CSNK1G1: variants seen among roughly 807,000 people sequenced by gnomAD.
CSNK1G1 encodes casein kinase I isoform gamma-1.
Under a neutral mutation model 59.6 loss-of-function variants are expected in CSNK1G1, and 22 were observed. That is an observed-to-expected ratio of 0.37 (90% confidence interval 0.26 to 0.53). The LOEUF is 0.53. CSNK1G1 is among the 20% of genes least tolerant of loss of function. The probability of loss-of-function intolerance (pLI) is 0.89; values close to 1 mark genes in which losing one functional copy is unlikely to be tolerated. For missense variants in CSNK1G1, 384 were observed against 519.5 expected, an observed-to-expected ratio of 0.74 and a Z score of 2.54; for synonymous variants, 179 against 177.1, an observed-to-expected ratio of 1.01 and a Z score of -0.08.
intron 1 of CSNK1G1, among the ~76,000 whole-genome samples, chr15:64,326,025 C>G (rs776802989): frequency 2.6e-5 from 4 of 152,128 alleles, no homozygotes; most frequent in Non-Finnish European, 5.9e-5. Flanking sequence ...CCATGAACTA[C>G]AAAAAGAAAT....
At position 64,200,478 on chromosome 15, in the gene CSNK1G1, C is replaced by T. The variant is rs543798771; in HGVS notation, c.1107+2604G>A. 2.6e-5 allele frequency among the ~76,000 whole-genome samples: 4 copies of T among 151,996 alleles called. No individual in the cohort carries two copies. The East Asian group carries it at 7.8e-4, about 30-fold the overall frequency. On this transcript the variant is annotated intron_variant, in intron 10 of 11. Transcript: ENST00000303052. The surrounding 1 kb of genome is among the most constrained non-coding windows in gnomAD (Gnocchi z 4.3). ...CTCCTGCCTCAGCCTCCTGAGTAGC[C>T]GGGATTTGAGGCATGTGCCACCACA...
rs1231895233 is a variant in CSNK1G1, at chr15:64,210,086, G to GA, written c.680-2493dup. ...AGAACTATAGAATATGGGACAATAG[G>GA]AAAAATAAGGGTTCCTAAATCAGGA... On this transcript the variant is annotated intron_variant, in intron 6 of 11. Transcript: ENST00000303052. The surrounding 1 kb of genome is among the most constrained non-coding windows in gnomAD (Gnocchi z 4.2). Among the ~76,000 whole-genome samples the GA allele has an allele frequency of 6.6e-6, 1 of 152,012 alleles. No individual in the cohort carries two copies. The highest frequency in any genetic ancestry group is 1.5e-5 in the Non-Finnish European group (1 of 67,986).
rs77882333 is a variant in CSNK1G1, at chr15:64,291,078, G to A, written c.181+9241C>T. Among the ~76,000 whole-genome samples the A allele has an allele frequency of 6.2e-3, 942 of 152,218 alleles. 6 individuals are homozygous for A. Among genetic ancestry groups the A allele is most frequent in the African/African-American group, 0.022 (902 of 41,550 alleles). ...TGACTTCTAAAACTTGTTTTAGTTT[G>A]TTCCATCCACAGAACCTAAAAATTT... is the stretch of plus-strand genomic sequence containing the variant. On this transcript the variant is annotated intron_variant, in intron 2 of 11. Coordinates refer to ENST00000303052, the MANE Select transcript of CSNK1G1 (RefSeq NM_022048.5).
chr15:64,191,795 G>A (rs1339731970), intron 10 of CSNK1G1, among the ~76,000 whole-genome samples: 1 of 152,162 alleles, frequency 6.6e-6, no homozygotes, highest in Admixed American at 6.5e-5. Context: ...TTCTGTATCT[G>A]TTGAAAACAT....
intron 10 of CSNK1G1, among the ~76,000 whole-genome samples, chr15:64,196,333 T>A (rs1030804521): frequency 6.6e-6 from 1 of 152,030 alleles, no homozygotes; most frequent in Non-Finnish European, 1.5e-5. Context: ...TGTATATAGA[T>A]AAACCAAACA....
intron 4 of CSNK1G1, among the ~76,000 whole-genome samples, chr15:64,248,133 A>G (rs1346088405): frequency 2.0e-5 from 3 of 152,222 alleles, no homozygotes; most frequent in African/African-American, 7.2e-5. Flanking sequence ...GGTAATCAAA[A>G]GAGTGGCATA....
intron 6 of CSNK1G1, 141 bp from the exon 7 acceptor site, chr15:64,207,735 G>GTATTT (rs1405049008): frequency 1.1e-5 from 7 of 628,726 alleles, no homozygotes; most frequent in Admixed American, 5.1e-5. Context: ...ACCAAGGATA[G>GTATTT]TATTTTAGAT....
At chr15:64,294,149 T>C (rs532100413) in intron 2 of CSNK1G1, among the ~76,000 whole-genome samples, 2 of 152,324 alleles carry the variant, frequency 1.3e-5, no homozygotes, top group East Asian at 3.9e-4. Flanking sequence ...CTCAGCTCAC[T>C]GCAACCTCCA....
chr15:64,230,015 G>A (rs1336522092), intron 4 of CSNK1G1, among the ~76,000 whole-genome samples: 1 of 135,220 alleles, frequency 7.4e-6, no homozygotes, highest in Non-Finnish European at 1.5e-5. Context: ...TCCACCTCCC[G>A]GGTTCAAGGG....
chr15:64,295,250 T>C (rs1384731756), intron 2 of CSNK1G1, among the ~76,000 whole-genome samples: 4 of 152,190 alleles, frequency 2.6e-5, no homozygotes, highest in Admixed American at 6.5e-5. Flanking sequence ...TGTTCCATTA[T>C]TGGAACGCTA....
Position 64,168,288 on chromosome 15 carries a change from G to A in CSNK1G1, c.*3643C>T, listed in dbSNP as rs1269004399. On this transcript the variant is annotated 3_prime_UTR_variant, in exon 12 of 12. Transcript: ENST00000303052. Reference sequence around the variant, plus strand: ...TAATAGCAGAAGAATGTTAATTAAGGCAGTCATGAGTGCACACTGGCTGTC... The same window carrying A: ...TAATAGCAGAAGAATGTTAATTAAGACAGTCATGAGTGCACACTGGCTGTC... The A allele has an allele frequency of 6.6e-6, 1 of 152,602 alleles. No homozygotes were observed. The highest frequency in any genetic ancestry group is 2.4e-5 in the African/African-American group (1 of 41,440). The allele number at this position is 152,602 out of a possible 1,614,324, so 9.5% of individuals were successfully genotyped here.
intron 2 of CSNK1G1, among the ~76,000 whole-genome samples, chr15:64,286,644 G>A (rs1894439302): frequency 6.6e-6 from 1 of 151,820 alleles, no homozygotes; most frequent in Non-Finnish European, 1.5e-5. Context: ...GTACCCCCAG[G>A]GCCTAGCTAA....
At position 64,170,880 on chromosome 15, in the gene CSNK1G1, T is replaced by C. The variant is rs1311546321; in HGVS notation, c.*1051A>G. On this transcript the variant is annotated 3_prime_UTR_variant, in exon 12 of 12. Transcript: ENST00000303052. ...AGAGCTAGGTTTTCAAACTGTAAGC[T>C]GATTAGGTCAAGATGCTCTGGTAGG... 1.3e-5 allele frequency: 2 copies of C among 152,598 alleles called. No homozygotes were observed. Among genetic ancestry groups the C allele is most frequent in the Admixed American group, 6.5e-5 (1 of 15,272 alleles). 9.5% of individuals were successfully genotyped at this position (152,598 alleles called of 1,614,324 possible). A position where few individuals can be genotyped will look rare whatever the true frequency, so the allele number is the denominator to read the frequency against.
intron 11 of CSNK1G1, chr15:64,179,951 C>T (rs2081790071): frequency 5.9e-6 from 1 of 169,482 alleles, no homozygotes; most frequent in South Asian, 1.5e-4. Flanking sequence ...CATGATTGTA[C>T]ATCCAGTTGC....
At chr15:64,198,439 C>A (rs1209061875) in intron 10 of CSNK1G1, among the ~76,000 whole-genome samples, 3 of 151,848 alleles carry the variant, frequency 2.0e-5, no homozygotes, top group Non-Finnish European at 4.4e-5. Flanking sequence ...CTCCTGGCCT[C>A]AAGTTATCCA....
At chr15:64,282,614 CTA>C (rs539007023) in intron 2 of CSNK1G1, among the ~76,000 whole-genome samples, 20 of 152,158 alleles carry the variant, frequency 1.3e-4, no homozygotes, top group Non-Finnish European at 2.5e-4. Flanking sequence ...CAAGATTCAT[CTA>C]TGTTATAGTA....
chr15:64,191,438 A>T (rs2081969218), intron 10 of CSNK1G1, among the ~76,000 whole-genome samples: 1 of 152,186 alleles, frequency 6.6e-6, no homozygotes, highest in Non-Finnish European at 1.5e-5. Context: ...TTTTAAAGTT[A>T]AGAAAACCCT....
intron 10 of CSNK1G1, chr15:64,181,391 T>C (rs1596054778): frequency 6.5e-7 from 1 of 1,535,712 alleles, no homozygotes; most frequent in Non-Finnish European, 8.7e-7. Flanking sequence ...AAAAGGGGCC[T>C]CACTGCTGGA....
intron 10 of CSNK1G1, among the ~76,000 whole-genome samples, chr15:64,194,517 C>CTTT (rs374224209): frequency 1.9e-4 from 25 of 128,310 alleles, no homozygotes; most frequent in Admixed American, 1.1e-3. Flanking sequence ...CTTTTCTTTT[C>CTTT]TTTTTTTTTT....
Sources: gnomAD v4.1 joint callset for allele counts (sites outside exome capture counted in the v4.1 genomes callset) on GRCh38, gnomAD v4.1.1 for gene constraint, Gnocchi (gnomAD v3.1) non-coding constraint, MANE v1.5 for transcripts, NCBI Gene and HGNC (gene_info 2026-07-23, HGNC 2026-07-21) for gene names.